ZNF578: variants seen among roughly 807,000 people sequenced by gnomAD.
ZNF578 encodes the protein Putative chemokine-related protein B42.
Under a neutral mutation model 8.3 loss-of-function variants are expected in ZNF578, and 8 were observed. The observed-to-expected ratio is 0.96, with a 90% CI of 0.56 to 1.74. The LOEUF is 1.74. Ranked by LOEUF, ZNF578 falls within the 40% of genes most tolerant of loss-of-function variation. The probability of loss-of-function intolerance (pLI) is 0.00; values close to 1 mark genes in which losing one functional copy is unlikely to be tolerated. For synonymous variants in ZNF578, 206 were observed against 232.2 expected, an observed-to-expected ratio of 0.89 and a Z score of 1.03; for missense variants, 726 against 707.5, an observed-to-expected ratio of 1.03 and a Z score of -0.30.
chr19:52,514,388 T>C lies in ZNF578; in HGVS notation c.*2234T>C, dbSNP rs1490410873. ...AGATCGAGGTCTGCATGCTTTCTAG[T>C]CTTTGTTATTTATTGGAAGGCTGTG... On this transcript the variant is annotated 3_prime_UTR_variant, in exon 6 of 6. Coordinates refer to ENST00000421239, the MANE Select transcript of ZNF578 (RefSeq NM_001099694.2). Among the ~76,000 whole-genome samples the C allele has an allele frequency of 6.6e-6, 1 of 152,222 alleles. No individual in the cohort carries two copies. Among genetic ancestry groups the C allele is most frequent in the African/African-American group, 2.4e-5 (1 of 41,458 alleles).
chr19:52,511,622 T>G lies in ZNF578; in HGVS notation c.1241T>G (p.Leu414Arg). The part of the protein sequence containing the change: ...CGKAFNQQSH[L>R]SRHHRLHTGE... ...AAGGCTTTTAATCAACAATCACACC[T>G]TTCACGTCATCATAGACTTCATACT... Residue 414 changes from leucine (L) to arginine (R), a missense_variant, in exon 6 of 6, where the codon CTT becomes CGT. Coordinates refer to ENST00000421239, the MANE Select transcript of ZNF578 (RefSeq NM_001099694.2). 1 of 1,613,242 alleles carries G rather than the reference T, an allele frequency of 6.2e-7. No homozygotes were observed. The highest frequency in any genetic ancestry group is 8.5e-7 in the Non-Finnish European group (1 of 1,179,160).
At chr19:52,496,833 C>T (rs1285511623) in intron 3 of ZNF578, among the ~76,000 whole-genome samples, 1 of 151,664 alleles carries the variant, frequency 6.6e-6, no homozygotes, top group African/African-American at 2.4e-5. Flanking sequence ...AATGGGGTTT[C>T]TCCATCTTGG....
In ZNF578 at chr19:52,491,425, G is replaced by T; in HGVS notation, c.-20G>T. On this transcript the variant is annotated splice_region_variant and 5_prime_UTR_variant, in exon 3 of 6. Transcript: ENST00000421239. ...GTTTTTGCCACCACACTCCAGCTTG[G>T]GTGAGTGAGCTACACCCTATCGCAA... 6.0e-6 allele frequency: 1 copy of T among 166,016 alleles called. No individual in the cohort carries two copies. The allele number at this position is 166,016 out of a possible 1,614,324, so 10.3% of individuals were successfully genotyped here.
intron 3 of ZNF578, among the ~76,000 whole-genome samples, chr19:52,498,418 G>A (rs2122921222): frequency 6.8e-6 from 1 of 147,264 alleles, no homozygotes; most frequent in African/African-American, 2.5e-5. Context: ...TGCAAGCTCT[G>A]CCTCCTTGGT....
chr19:52,483,982 C>G (rs577727042), intron 2 of ZNF578, among the ~76,000 whole-genome samples: 71 of 152,124 alleles, frequency 4.7e-4, no homozygotes, highest in African/African-American at 1.6e-3. Context: ...GCTCAGCATA[C>G]GGAGGACCCA....
chr19:52,460,441 T>C (rs1380211949), intron 2 of ZNF578, among the ~76,000 whole-genome samples: 3 of 152,208 alleles, frequency 2.0e-5, no homozygotes, highest in African/African-American at 7.2e-5. Context: ...TTGGCCATAT[T>C]GTCATCTTCT....
intron 2 of ZNF578, among the ~76,000 whole-genome samples, chr19:52,486,697 G>C (rs1428577299): frequency 6.6e-6 from 1 of 152,020 alleles, no homozygotes. Flanking sequence ...TGGGGATCTG[G>C]GGTGCCACAG....
rs1472085453 is a variant in ZNF578 at position 52,514,135 on chromosome 19, T to G, written c.*1981T>G. ...TCTTCAGTTCTCTATTTATTTTTTC[T>G]TTTTTGCAGATTGAGTTTGAGATAT... is the stretch of plus-strand genomic sequence containing the variant. On this transcript the variant is annotated 3_prime_UTR_variant, in exon 6 of 6. Transcript: ENST00000421239. Among the ~76,000 whole-genome samples, 3 of 152,222 alleles carry G rather than the reference T, an allele frequency of 2.0e-5. No homozygotes were observed. Among genetic ancestry groups the G allele is most frequent in the African/African-American group, 7.2e-5 (3 of 41,458 alleles).
At chr19:52,493,075 A>C (rs2059372028) in intron 3 of ZNF578, among the ~76,000 whole-genome samples, 1 of 152,260 alleles carries the variant, frequency 6.6e-6, no homozygotes, top group East Asian at 1.9e-4. Context: ...TTTCTGCTGT[A>C]GGGCAGTGTA....
chr19:52,501,965 GTATTA>G (rs1188103752), intron 4 of ZNF578, 57 bp downstream of exon 4: 4 of 1,585,458 alleles, frequency 2.5e-6, no homozygotes, highest in East Asian at 4.5e-5. Context: ...AAGTGTAGTA[GTATTA>G]TATTGTATTG....
intron 2 of ZNF578, among the ~76,000 whole-genome samples, chr19:52,470,432 A>T (rs977441413): frequency 1.3e-5 from 2 of 152,284 alleles, no homozygotes; most frequent in East Asian, 3.9e-4. Flanking sequence ...TATGGGTGCC[A>T]AGTTGATGAG....
chr19:52,487,161 C>T (rs924642239), intron 2 of ZNF578, among the ~76,000 whole-genome samples: 2 of 151,760 alleles, frequency 1.3e-5, no homozygotes, highest in East Asian at 1.9e-4. Flanking sequence ...AGTGAGAACA[C>T]CATCTCTGCC....
At chr19:52,478,736 C>T (rs942558534) in intron 2 of ZNF578, among the ~76,000 whole-genome samples, 10 of 151,688 alleles carry the variant, frequency 6.6e-5, no homozygotes, top group South Asian at 2.1e-4. Context: ...TTTTTTGAGA[C>T]GGAGTCTTGC....
intron 2 of ZNF578, among the ~76,000 whole-genome samples, chr19:52,484,599 A>G (rs2059338379): frequency 6.6e-6 from 1 of 152,034 alleles, no homozygotes; most frequent in South Asian, 2.1e-4. Flanking sequence ...ACCTGCACAT[A>G]CACATCCAGA....
rs370545113 is a variant in ZNF578 at position 52,514,281 on chromosome 19, C to T, written c.*2127C>T. Among the ~76,000 whole-genome samples, 1 of 152,122 alleles carries T rather than the reference C, an allele frequency of 6.6e-6. No individual in the cohort carries two copies. Among genetic ancestry groups the T allele is most frequent in the Non-Finnish European group, 1.5e-5 (1 of 68,038 alleles). On this transcript the variant is annotated 3_prime_UTR_variant, in exon 6 of 6. Transcript: ENST00000421239. ...ACTTGTATATTTTCCAGTTGTTTTC[C>T]GGTTGACCCCAAAATTCGTGAGATT...
chr19:52,504,168 G>A (rs944077590), intron 4 of ZNF578, among the ~76,000 whole-genome samples: 3 of 143,926 alleles, frequency 2.1e-5, no homozygotes, highest in Non-Finnish European at 4.6e-5. Context: ...TTGGCTCACT[G>A]CGGCCTCCAT....
chr19:52,475,774 G>A (rs1673905), intron 2 of ZNF578, among the ~76,000 whole-genome samples: 15,683 of 152,166 alleles, frequency 0.1, 1,395 homozygotes, highest in East Asian at 0.33. Context: ...AATAGTGCCT[G>A]CGTAATGGTA....
intron 2 of ZNF578, among the ~76,000 whole-genome samples, chr19:52,485,181 C>G (rs1294469396): frequency 1.3e-5 from 2 of 152,040 alleles, no homozygotes; most frequent in Non-Finnish European, 2.9e-5. Context: ...CACCTCTGGT[C>G]TATCTTGCTT....
intron 3 of ZNF578, among the ~76,000 whole-genome samples, chr19:52,495,275 C>T (rs2059381959): frequency 7.0e-6 from 1 of 143,542 alleles, no homozygotes; most frequent in African/African-American, 2.5e-5. Flanking sequence ...AGCGATTCTC[C>T]TGCGATACTA....
Sources: gnomAD v4.1 joint callset for allele counts (sites outside exome capture counted in the v4.1 genomes callset) on GRCh38, gnomAD v4.1.1 for gene constraint, MANE v1.5 for transcripts, NCBI Gene and HGNC (gene_info 2026-07-23, HGNC 2026-07-21) for gene names.